ADARB2: variants seen among roughly 807,000 people sequenced by gnomAD.
ADARB2 encodes inactive double-stranded RNA-specific editase B2.
Under a neutral mutation model 62.2 loss-of-function variants are expected in ADARB2, and 25 were observed. That is an observed-to-expected ratio of 0.40 (90% CI 0.29 to 0.56). ADARB2 has a LOEUF of 0.56. ADARB2 is among the 20% of genes least tolerant of loss of function. The pLI, the probability that ADARB2 is intolerant of heterozygous loss-of-function variation, is 0.43. For missense variants in ADARB2, 1,071 were observed against 1,077.4 expected (o/e 0.99, Z 0.08); for synonymous variants, 572 against 500.8 (o/e 1.14, Z -1.90).
At chr10:1,675,866 G>A in intron 1 of ADARB2, 3 of 744,426 alleles carry the variant, frequency 4.0e-6, no homozygotes, top group Non-Finnish European at 4.9e-6. Flanking sequence ...GGAGGGCAGA[G>A]GCCAGCCTCA....
intron 3 of ADARB2, among the ~76,000 whole-genome samples, chr10:1,310,144 A>G (rs576000797): frequency 8.7e-4 from 133 of 152,288 alleles, no homozygotes; most frequent in African/African-American, 3.0e-3. Flanking sequence ...CAGATGTTGA[A>G]TGGGGCCTAT....
chr10:1,336,703 A>G (rs1831977190), intron 3 of ADARB2, among the ~76,000 whole-genome samples: 2 of 152,232 alleles, frequency 1.3e-5, no homozygotes, highest in Admixed American at 6.5e-5. Context: ...CCCTCAGAAG[A>G]CCACAAAACT....
At chr10:1,216,011 CAG>C (rs1837228248) in intron 7 of ADARB2, 3 of 150,458 alleles carry the variant, frequency 2.0e-5, no homozygotes, top group African/African-American at 4.9e-5. Flanking sequence ...CTCGGGGCCT[CAG>C]AGCAACGTGG....
At chr10:1,362,522 G>C (rs1832267881) in intron 3 of ADARB2, among the ~76,000 whole-genome samples, 1 of 152,162 alleles carries the variant, frequency 6.6e-6, no homozygotes, top group African/African-American at 2.4e-5. Flanking sequence ...GGTCCTGCCG[G>C]GCAGAGTGAG....
intron 1 of ADARB2, among the ~76,000 whole-genome samples, chr10:1,523,996 A>G (rs1832107484): frequency 6.6e-6 from 1 of 152,128 alleles, no homozygotes; most frequent in Non-Finnish European, 1.5e-5. Context: ...TTCATTTTTT[A>G]ATTAAGCATT....
chr10:1,482,856 G>T (rs2131925827), intron 1 of ADARB2, among the ~76,000 whole-genome samples: 1 of 152,154 alleles, frequency 6.6e-6, no homozygotes, highest in East Asian at 1.9e-4. Context: ...GACAGACATT[G>T]TTCCCTATGA....
intron 1 of ADARB2, among the ~76,000 whole-genome samples, chr10:1,525,867 G>C (rs540420615): frequency 6.6e-6 from 1 of 151,976 alleles, no homozygotes; most frequent in Non-Finnish European, 1.5e-5. Context: ...GCGTGTCTGC[G>C]TGCGTTTATG....
rs2813409 is a variant in ADARB2, at chr10:1,475,941, G to C, written c.101-96781C>G. ...AAAACACGAACATTTTTGTTTCACCGAGTCTAGATGGCAGTCTTTTGTCTT... is the reference window on the plus strand; with the variant it reads ...AAAACACGAACATTTTTGTTTCACCCAGTCTAGATGGCAGTCTTTTGTCTT... On this transcript the variant is annotated intron_variant, in intron 1 of 9. Transcript: ENST00000381312. Among the ~76,000 whole-genome samples the C allele has an allele frequency of 2.0e-5, 3 of 152,100 alleles. No homozygotes were observed. The South Asian group carries it at 6.2e-4, about 32-fold the overall frequency.
At chr10:1,645,042 G>T (rs1834022239) in intron 1 of ADARB2, among the ~76,000 whole-genome samples, 1 of 152,214 alleles carries the variant, frequency 6.6e-6, no homozygotes, top group Admixed American at 6.5e-5. Context: ...TATATAAAAG[G>T]AATGTTATTT....
intron 8 of ADARB2, chr10:1,186,559 C>G (rs370359066): frequency 1.9e-6 from 1 of 519,046 alleles, no homozygotes; most frequent in Non-Finnish European, 3.8e-6. Flanking sequence ...CATGCCTCCT[C>G]GCAGATCAGC....
At chr10:1,431,554 A>G (rs1452509676) in intron 1 of ADARB2, among the ~76,000 whole-genome samples, 1 of 152,156 alleles carries the variant, frequency 6.6e-6, no homozygotes, top group East Asian at 1.9e-4. Context: ...TATTTTATAA[A>G]ACTATAAAAA....
intron 2 of ADARB2, among the ~76,000 whole-genome samples, chr10:1,375,785 C>T (rs1832418402): frequency 6.7e-6 from 1 of 149,724 alleles, no homozygotes; most frequent in South Asian, 2.1e-4. Flanking sequence ...TGTGCACACA[C>T]ATGCACACAC....
At chr10:1,623,982 T>C (rs878890372) in intron 1 of ADARB2, among the ~76,000 whole-genome samples, 2 of 152,152 alleles carry the variant, frequency 1.3e-5, no homozygotes, top group Admixed American at 1.3e-4. Context: ...ACGTATGATC[T>C]AGCGATTTGG....
chr10:1,696,164 A>G (rs1564197480), intron 1 of ADARB2, among the ~76,000 whole-genome samples: 1 of 135,284 alleles, frequency 7.4e-6, no homozygotes, highest in Non-Finnish European at 1.6e-5. Context: ...ATGTGTTTGC[A>G]TGTGTCTGTG....
At chr10:1,231,093 C>A (rs1316972938) in intron 6 of ADARB2, among the ~76,000 whole-genome samples, 1 of 152,084 alleles carries the variant, frequency 6.6e-6, no homozygotes, top group African/African-American at 2.4e-5. Flanking sequence ...CTAGAACTGT[C>A]CCCTGGGGAG....
intron 1 of ADARB2, among the ~76,000 whole-genome samples, chr10:1,677,514 G>A (rs1834481469): frequency 6.6e-6 from 1 of 152,084 alleles, no homozygotes; most frequent in Non-Finnish European, 1.5e-5. Context: ...CTGGGGAGGG[G>A]CAACAATGGG....
At chr10:1,473,946 A>G (rs2676755) in intron 1 of ADARB2, among the ~76,000 whole-genome samples, 248 of 6,678 alleles carry the variant, frequency 0.037, 46 homozygotes, top group South Asian at 0.081. Context: ...TTGGCAGGGG[A>G]CCGGGTAGTT....
At chr10:1,519,980 A>G (rs954826988) in intron 1 of ADARB2, among the ~76,000 whole-genome samples, 2 of 152,224 alleles carry the variant, frequency 1.3e-5, no homozygotes, top group African/African-American at 4.8e-5. Context: ...CCTTTCCTCT[A>G]GAATGAGTCC....
intron 3 of ADARB2, among the ~76,000 whole-genome samples, chr10:1,320,639 T>C (rs560625940): frequency 2.6e-5 from 4 of 152,354 alleles, no homozygotes; most frequent in Admixed American, 2.6e-4. Flanking sequence ...TTTGGTAGCT[T>C]TGGTGTTGAT....
Sources: allele counts gnomAD v4.1 joint callset (sites outside exome capture counted in the v4.1 genomes callset), GRCh38; gene constraint gnomAD v4.1.1; transcripts MANE v1.5; gene names NCBI Gene and HGNC (gene_info 2026-07-23, HGNC 2026-07-21).